The following BIRC6 variants were observed in gnomAD, a reference collection of about 807,000 sequenced individuals.
BIRC6 encodes dual E2 ubiquitin-conjugating enzyme/E3 ubiquitin-protein ligase BIRC6.
BIRC6 carries 98 observed loss-of-function variants against 503.3 expected under a neutral mutation model. That is an observed-to-expected ratio of 0.19 (90% CI 0.17 to 0.23). BIRC6 has a LOEUF of 0.23. Among genes scored for constraint, BIRC6 ranks in the 10% least tolerant of loss-of-function variants. The probability of loss-of-function intolerance (pLI) is 1.00; values close to 1 mark genes in which losing one functional copy is unlikely to be tolerated. For missense variants in BIRC6, 5,360 were observed against 5,806.0 expected, an observed-to-expected ratio of 0.92 and a Z score of 2.50; for synonymous variants, 2,240 against 2,078.7, an observed-to-expected ratio of 1.08 and a Z score of -2.11.
intron 4 of BIRC6, among the ~76,000 whole-genome samples, chr2:32,389,637 G>A (rs1252348910): frequency 1.3e-5 from 2 of 152,194 alleles, no homozygotes; most frequent in Non-Finnish European, 2.9e-5. Context: ...TAGAAATGCT[G>A]TACTGAAATA....
At chr2:32,466,274 T>C (rs982240570) in intron 26 of BIRC6, among the ~76,000 whole-genome samples, 2 of 152,238 alleles carry the variant, frequency 1.3e-5, no homozygotes, top group South Asian at 2.1e-4. Flanking sequence ...AAAAGAATTA[T>C]GACATTATTA....
chr2:32,617,139 C>G (rs767889626), intron 73 of BIRC6, among the ~76,000 whole-genome samples: 1 of 152,140 alleles, frequency 6.6e-6, no homozygotes, highest in Non-Finnish European at 1.5e-5. Flanking sequence ...TGCATTGGCT[C>G]ACGCCTGTAA....
intron 66 of BIRC6, among the ~76,000 whole-genome samples, chr2:32,592,965 G>A (rs950124879): frequency 2.6e-5 from 4 of 152,160 alleles, no homozygotes; most frequent in Non-Finnish European, 4.4e-5. Context: ...ACCACTTTGC[G>A]AGATAGTATT....
chr2:32,371,124 G>T (rs1466834553), intron 1 of BIRC6, among the ~76,000 whole-genome samples: 1 of 146,970 alleles, frequency 6.8e-6, no homozygotes, highest in African/African-American at 2.5e-5. Context: ...GAGGCGGGAG[G>T]ATTGCTTGAG....
At chr2:32,476,488 T>A in intron 34 of BIRC6, 144 bp downstream of exon 34, 1 of 709,404 alleles carries the variant, frequency 1.4e-6, no homozygotes, top group Non-Finnish European at 2.2e-6. Context: ...TGGGGTAGTT[T>A]AACTGAAGGA....
intron 22 of BIRC6, among the ~76,000 whole-genome samples, chr2:32,449,581 G>A (rs770684222): frequency 6.6e-6 from 1 of 152,102 alleles, no homozygotes; most frequent in Non-Finnish European, 1.5e-5. Flanking sequence ...ATACAAAAAT[G>A]TTAGAAAATT....
chr2:32,519,083 T>C, intron 57 of BIRC6, 137 bp downstream of exon 57: 1 of 852,138 alleles, frequency 1.2e-6, no homozygotes, highest in Non-Finnish European at 1.7e-6. Flanking sequence ...ATCTTTATAG[T>C]TTGAAGCATA....
chr2:32,453,564 C>G (rs2046935717), intron 22 of BIRC6, among the ~76,000 whole-genome samples: 1 of 152,140 alleles, frequency 6.6e-6, no homozygotes, highest in South Asian at 2.1e-4. Flanking sequence ...AACTACCACT[C>G]ATGTTTCTGT....
chr2:32,433,874 C>T, intron 13 of BIRC6, 70 bp downstream of exon 13: 2 of 1,308,840 alleles, frequency 1.5e-6, no homozygotes, highest in South Asian at 3.6e-5. Context: ...TAATTTTCAC[C>T]TTGGCTAAGT....
intron 66 of BIRC6, among the ~76,000 whole-genome samples, chr2:32,592,681 C>T (rs570111580): frequency 3.9e-5 from 6 of 152,084 alleles, no homozygotes; most frequent in East Asian, 3.9e-4. Context: ...CTGCAACCTC[C>T]GCCTCCCAGG....
chr2:32,573,023 C>T (rs1238552462), intron 65 of BIRC6, among the ~76,000 whole-genome samples: 1 of 152,204 alleles, frequency 6.6e-6, no homozygotes, highest in Non-Finnish European at 1.5e-5. Flanking sequence ...TGGACTCCCA[C>T]AATTCTCCTC....
chr2:32,481,363 C>G lies in BIRC6; in HGVS notation c.7452C>G (p.Asp2484Glu). 6.2e-7 allele frequency: 1 copy of G among 1,610,192 alleles called. No individual in the cohort carries two copies. The change falls in exon 38 of 74, where the codon GAC (aspartate) becomes GAG (glutamate). Residue 2484 changes from aspartate to glutamate, a missense_variant. Around this residue, in one of 16 missense-constraint regions of BIRC6, gnomAD observed 2,299 missense variants for 2,267.2 expected, o/e 1.01. Coordinates refer to ENST00000421745, the MANE Select transcript of BIRC6 (RefSeq NM_016252.4). ...CTTTGGAAAAAGATAAAGAAATTGA[C>G]CTTGAGTTACTTCAGGATCTAATGG... ...LSSLEKDKEI[D>E]LELLQDLMEV...
rs2046971257 is a variant in BIRC6, at chr2:32,453,924, A to G, written c.4735A>G (p.Ile1579Val). Reference sequence around the variant, plus strand: ...TGTGTCAACTAGTGATGGAACCAGAATAGAAAGGGATGATGCAAGTACGTT... The same window carrying G: ...TGTGTCAACTAGTGATGGAACCAGAGTAGAAAGGGATGATGCAAGTACGTT... ...TCVSTSDGTR[I>V]ERDDAMSSFG... The change falls in exon 23 of 74, where the codon ATA becomes GTA. Residue 1579 changes from isoleucine to valine, a missense_variant. By Grantham distance (29) the Ile-to-Val change is conservative. Transcript: ENST00000421745. 6.2e-7 allele frequency: 1 copy of G among 1,613,130 alleles called. No individual in the cohort carries two copies. The highest frequency in any genetic ancestry group is 1.3e-5 in the African/African-American group (1 of 74,906).
At chr2:32,593,495 T>G (rs570119737) in intron 66 of BIRC6, among the ~76,000 whole-genome samples, 38 of 152,280 alleles carry the variant, frequency 2.5e-4, no homozygotes, top group African/African-American at 8.7e-4. Flanking sequence ...GAACCTACAT[T>G]TTACTCTAAA....
intron 9 of BIRC6, among the ~76,000 whole-genome samples, chr2:32,411,227 G>A (rs1190423365): frequency 2.0e-5 from 3 of 150,810 alleles, no homozygotes; most frequent in Non-Finnish European, 4.4e-5. Context: ...TAGTAGAGAC[G>A]GGAGTTTCAC....
Position 32,515,281 on chromosome 2 carries a change from T to C in BIRC6, c.10860T>C (p.Pro3620=). 6.2e-7 allele frequency: 1 copy of C among 1,613,912 alleles called. No homozygotes were observed. The highest frequency in any genetic ancestry group is 8.5e-7 in the Non-Finnish European group (1 of 1,179,888). ...LATLASSSQS[P]EAIKQLLDSG... ...CCCTTGCTTCCTCTTCTCAATCTCC[T>C]GAAGCTATTAAACAATTACTAGACT... Residue 3620 remains proline, a synonymous_variant, in exon 55 of 74, where the codon CCT becomes CCC. Transcript: ENST00000421745.
At chr2:32,574,169 T>C (rs2060101956) in intron 65 of BIRC6, among the ~76,000 whole-genome samples, 1 of 151,070 alleles carries the variant, frequency 6.6e-6, no homozygotes, top group Admixed American at 6.6e-5. Context: ...TCTTTTTTTT[T>C]TTTTTTTTTT....
chr2:32,576,324 A>G (rs1352157062), intron 66 of BIRC6, among the ~76,000 whole-genome samples: 1 of 152,186 alleles, frequency 6.6e-6, no homozygotes, highest in Non-Finnish European at 1.5e-5. Context: ...ACCTTAGTAG[A>G]TTCAGAGGAT....
At chr2:32,523,756 A>C (rs1171645538) in intron 57 of BIRC6, among the ~76,000 whole-genome samples, 1 of 152,244 alleles carries the variant, frequency 6.6e-6, no homozygotes, top group African/African-American at 2.4e-5. Flanking sequence ...AAATTAGGGA[A>C]GTAAAAAGAG....
Sources: allele counts gnomAD v4.1 joint callset (sites outside exome capture counted in the v4.1 genomes callset), GRCh38; gene constraint gnomAD v4.1.1; regional missense constraint gnomAD v4.1.1; transcripts MANE v1.5; gene names NCBI Gene and HGNC (gene_info 2026-07-23, HGNC 2026-07-21).